Variants in CPNE4 observed in about 807,000 individuals in gnomAD.
CPNE4 encodes the protein copine 4.
CPNE4 carries 25 observed loss-of-function variants against 67.9 expected under a neutral mutation model. The ratio of observed to expected loss-of-function variants is 0.37; its 90% CI spans 0.27 to 0.51. The LOEUF (loss-of-function observed/expected upper bound fraction) is 0.51. CPNE4 is among the 20% of genes least tolerant of loss of function. The probability of loss-of-function intolerance (pLI) is 0.93; values close to 1 mark genes in which losing one functional copy is unlikely to be tolerated. For synonymous variants in CPNE4, 242 were observed against 244.9 expected (o/e 0.99, Z 0.11); for missense variants, 464 against 690.8 (o/e 0.67, Z 3.68).
At chr3:132,028,367 C>A (rs2074160620) in intron 1 of CPNE4, among the ~76,000 whole-genome samples, 1 of 152,192 alleles carries the variant, frequency 6.6e-6, no homozygotes, top group South Asian at 2.1e-4. Flanking sequence ...CTTAACAGCA[C>A]AATTTCAATG....
rs1938193862 is a variant in CPNE4 at position 131,586,607 on chromosome 3, C to T, written c.780+877G>A. ...CTTTTGGGCATGGATAAAACAGGCT[C>T]CAGCAGATAGAGAAATCTGCCAGGC... On this transcript the variant is annotated intron_variant, in intron 8 of 15. Coordinates refer to ENST00000429747, the MANE Select transcript of CPNE4 (RefSeq NM_130808.3). Among the ~76,000 whole-genome samples, 3 of 152,082 alleles carry T rather than the reference C, an allele frequency of 2.0e-5. No individual in the cohort carries two copies. In the South Asian group the frequency reaches 6.2e-4, roughly 31 times the overall value.
chr3:131,972,795 A>G (rs2072539784), intron 1 of CPNE4, among the ~76,000 whole-genome samples: 1 of 152,070 alleles, frequency 6.6e-6, no homozygotes. Flanking sequence ...TGTTTCTAGG[A>G]TTCTACTTCC....
chr3:131,574,994 A>T, intron 10 of CPNE4, 77 bp downstream of exon 10: 1 of 1,225,886 alleles, frequency 8.2e-7, no homozygotes. Context: ...TTGTCTCTTT[A>T]TCCCCCAAAC....
chr3:131,624,654 T>A (rs186776996), intron 7 of CPNE4, among the ~76,000 whole-genome samples: 72 of 152,302 alleles, frequency 4.7e-4, no homozygotes, highest in South Asian at 3.9e-3. Context: ...CAAGTCCAAG[T>A]AGATTCAACT....
intron 2 of CPNE4, among the ~76,000 whole-genome samples, chr3:131,876,653 A>AAAGAAAAAAAG (rs1553794943): frequency 7.1e-6 from 1 of 140,678 alleles, no homozygotes; most frequent in Non-Finnish European, 1.5e-5. Flanking sequence ...AAAAAAAAAA[A>AAAGAAAAAAAG]AAAGAAAGAA....
chr3:131,550,537 C>T (rs1201917498), intron 13 of CPNE4, among the ~76,000 whole-genome samples: 1 of 152,110 alleles, frequency 6.6e-6, no homozygotes, highest in Non-Finnish European at 1.5e-5. Context: ...CAATGTTGCA[C>T]TTGTTTCCAC....
chr3:132,005,344 C>CATATATATATATATAT (rs1560773098), intron 1 of CPNE4, among the ~76,000 whole-genome samples: 2 of 13,054 alleles, frequency 1.5e-4, no homozygotes, highest in East Asian at 1.9e-3. Flanking sequence ...TATATATATA[C>CATATATATATATATAT]ACACACACAC....
At chr3:131,744,291 T>C (rs1033347824) in intron 2 of CPNE4, among the ~76,000 whole-genome samples, 1 of 152,132 alleles carries the variant, frequency 6.6e-6, no homozygotes, top group Admixed American at 6.5e-5. Flanking sequence ...ATTTTAATAA[T>C]AAGTACTCAG....
At chr3:131,890,936 G>A (rs1002298944) in intron 2 of CPNE4, among the ~76,000 whole-genome samples, 1 of 152,202 alleles carries the variant, frequency 6.6e-6, no homozygotes, top group Non-Finnish European at 1.5e-5. Context: ...TGGATACCCA[G>A]GGATGAGGAG....
chr3:131,698,964 C>A (rs1462531296), intron 4 of CPNE4, among the ~76,000 whole-genome samples: 6 of 145,986 alleles, frequency 4.1e-5, no homozygotes, highest in African/African-American at 1.3e-4. Flanking sequence ...AAGGAATGTT[C>A]AAAATAACTC....
At chr3:132,005,031 A>G (rs1023833934) in intron 1 of CPNE4, among the ~76,000 whole-genome samples, 5 of 151,932 alleles carry the variant, frequency 3.3e-5, no homozygotes, top group Non-Finnish European at 5.9e-5. Context: ...GACTAATTTC[A>G]GCCAATAAGA....
chr3:131,622,122 G>A (rs1940510343), intron 7 of CPNE4, among the ~76,000 whole-genome samples: 1 of 151,554 alleles, frequency 6.6e-6, no homozygotes, highest in African/African-American at 2.4e-5. Context: ...AGCTTCTTAA[G>A]CCCATGTCTC....
chr3:131,569,999 T>C (rs908004322), intron 10 of CPNE4, among the ~76,000 whole-genome samples: 2 of 152,104 alleles, frequency 1.3e-5, no homozygotes, highest in African/African-American at 4.8e-5. Flanking sequence ...GTTGTAATCA[T>C]AGAGTAACTC....
At chr3:131,887,309 G>C (rs2087935340) in intron 2 of CPNE4, among the ~76,000 whole-genome samples, 1 of 152,174 alleles carries the variant, frequency 6.6e-6, no homozygotes. Flanking sequence ...CTTGCCTTCT[G>C]CCATGATTGT....
chr3:131,979,044 G>A (rs1369462986), intron 1 of CPNE4, among the ~76,000 whole-genome samples: 2 of 151,992 alleles, frequency 1.3e-5, no homozygotes, highest in Non-Finnish European at 1.5e-5. Flanking sequence ...TTCCACTGTG[G>A]TCTGAGAGAG....
chr3:131,941,239 C>T (rs918596795), intron 1 of CPNE4, among the ~76,000 whole-genome samples: 26 of 151,930 alleles, frequency 1.7e-4, no homozygotes, highest in Middle Eastern at 6.8e-3. Context: ...ATATTAAGAA[C>T]GAAGGTAATA....
intron 2 of CPNE4, among the ~76,000 whole-genome samples, chr3:131,800,032 T>C (rs2084047858): frequency 6.6e-6 from 1 of 151,972 alleles, no homozygotes; most frequent in Non-Finnish European, 1.5e-5. Context: ...CATATGCAGG[T>C]TTGTTACATG....
At chr3:131,773,200 T>C (rs2083210096) in intron 2 of CPNE4, among the ~76,000 whole-genome samples, 1 of 152,096 alleles carries the variant, frequency 6.6e-6, no homozygotes, top group Non-Finnish European at 1.5e-5. Context: ...AGGCCAGCAT[T>C]TTCATATTTG....
At chr3:131,817,571 T>C (rs113705231) in intron 2 of CPNE4, among the ~76,000 whole-genome samples, 4 of 152,076 alleles carry the variant, frequency 2.6e-5, no homozygotes, top group African/African-American at 9.6e-5. Context: ...GAGATGTGGA[T>C]GAAGGAAAGC....
Sources: gnomAD v4.1 joint callset for allele counts (sites outside exome capture counted in the v4.1 genomes callset) on GRCh38, gnomAD v4.1.1 for gene constraint, MANE v1.5 for transcripts, NCBI Gene and HGNC (gene_info 2026-07-23, HGNC 2026-07-21) for gene names.